Variants in DENND4C observed in about 807,000 individuals in gnomAD.
DENND4C encodes DENN domain containing 4C.
In DENND4C, 108 loss-of-function variants were observed where a neutral mutation model predicts 203.0. That is an observed-to-expected ratio of 0.53 (90% confidence interval 0.46 to 0.62). The LOEUF (loss-of-function observed/expected upper bound fraction) is 0.62. Ranked by LOEUF, DENND4C falls within the 20% of genes least tolerant of loss-of-function variation. The probability of loss-of-function intolerance (pLI) is 0.00; values close to 1 mark genes in which losing one functional copy is unlikely to be tolerated. For synonymous variants in DENND4C, 871 were observed against 792.4 expected (o/e 1.10, Z -1.67); for missense variants, 2,481 against 2,301.2 (o/e 1.08, Z -1.60).
intron 26 of DENND4C, 42 bp downstream of exon 26, chr9:19,352,707 A>C: frequency 6.2e-6 from 9 of 1,443,562 alleles, no homozygotes; most frequent in Non-Finnish European, 8.3e-6. Flanking sequence ...AGTACCCTCA[A>C]AAAACACGAC....
intron 12 of DENND4C, among the ~76,000 whole-genome samples, chr9:19,319,437 C>CATAT (rs920091778): frequency 7.0e-6 from 1 of 142,426 alleles, no homozygotes; most frequent in Admixed American, 7.2e-5. Context: ...TATATACACA[C>CATAT]ATATATATAT....
rs766135118 is a variant in DENND4C at position 19,328,129 on chromosome 9, G to A, written c.2220G>A (p.Lys740=). Residue 740 remains lysine (K), a synonymous_variant, in exon 16 of 33, where the codon AAG becomes AAA. Transcript: ENST00000434457. The stretch of plus-strand genomic sequence containing the variant: ...ACCCTACTGGGAATAGCATTACAAA[G>A]AGTCCACCTCTCATGGCTAAGAGAA... ...SRHPTGNSIT[K]SPPLMAKRTK... The A allele has an allele frequency of 6.2e-7, 1 of 1,613,320 alleles. No individual in the cohort carries two copies. Among genetic ancestry groups the A allele is most frequent in the Admixed American group, 1.7e-5 (1 of 59,912 alleles).
At chr9:19,333,768 A>G (rs1427378914) in intron 17 of DENND4C, among the ~76,000 whole-genome samples, 2 of 152,220 alleles carry the variant, frequency 1.3e-5, no homozygotes, top group Non-Finnish European at 2.9e-5. Flanking sequence ...TGAGGCACTT[A>G]TTTAGCTTTT....
chr9:19,255,221 A>G (rs986721531), intron 1 of DENND4C, among the ~76,000 whole-genome samples: 1 of 152,078 alleles, frequency 6.6e-6, no homozygotes, highest in Admixed American at 6.6e-5. Flanking sequence ...TGGGTAGCAT[A>G]GAGAGACCCT....
chr9:19,342,890 G>A lies in DENND4C; in HGVS notation c.3151+111G>A, dbSNP rs566184656. 3.7e-5 allele frequency: 32 copies of A among 863,700 alleles called. 2 individuals are homozygous for A. The South Asian group carries it at 7.4e-4, about 20-fold the overall frequency. The allele number at this position is 863,700 out of a possible 1,614,324, so 53.5% of individuals were successfully genotyped here. ...TTAATTGTAATGAACATGCTAAAGAGCCAGAAGGGACTTTTGAATTCTCTA... is the reference window on the plus strand; with the variant it reads ...TTAATTGTAATGAACATGCTAAAGAACCAGAAGGGACTTTTGAATTCTCTA... On this transcript the variant is annotated intron_variant, in intron 22 of 32. Transcript: ENST00000434457.
intron 1 of DENND4C, among the ~76,000 whole-genome samples, chr9:19,240,650 AGT>A (rs1350636309): frequency 2.1e-5 from 3 of 142,320 alleles, no homozygotes; most frequent in African/African-American, 7.8e-5. Flanking sequence ...TGGGCAACAG[AGT>A]GAGATTTCAT....
In DENND4C at chr9:19,262,558, A is replaced by G. The variant is rs557326928; in HGVS notation, c.-17-13600A>G. 2.8e-4 allele frequency among the ~76,000 whole-genome samples: 42 copies of G among 151,516 alleles called. 1 individual carries two copies. In the South Asian group the frequency reaches 8.7e-3, roughly 32 times the overall value. On this transcript the variant is annotated intron_variant, in intron 1 of 32. Coordinates refer to ENST00000434457, the MANE Select transcript of DENND4C (RefSeq NM_001330640.2). Reference sequence around the variant, plus strand: ...ATGATTCTCATGCTTCAGCCTCCCAAGTAGCTGGGACTACAGGTGTGCACT... The same window carrying G: ...ATGATTCTCATGCTTCAGCCTCCCAGGTAGCTGGGACTACAGGTGTGCACT...
rs867357084 is a variant in DENND4C at position 19,342,589 on chromosome 9, A to G, written c.3005-44A>G. On this transcript the variant is annotated intron_variant, in intron 21 of 32. Transcript: ENST00000434457. Reference sequence around the variant, plus strand: ...AGTCAATATATGGTTTCTGTTTAATATTGGCAAAAGTAGGAATGATAACAT... The same window carrying G: ...AGTCAATATATGGTTTCTGTTTAATGTTGGCAAAAGTAGGAATGATAACAT... 22 of 1,546,338 alleles carry G rather than the reference A, an allele frequency of 1.4e-5. No homozygotes were observed. In the Middle Eastern group the frequency reaches 3.7e-3, roughly 257 times the overall value.
rs373392384 is a variant in DENND4C, at chr9:19,346,237, A to G, written c.3468A>G (p.Leu1156=). 2 of 1,614,190 alleles carry G rather than the reference A, an allele frequency of 1.2e-6. No individual in the cohort carries two copies. The highest frequency in any genetic ancestry group is 1.3e-5 in the African/African-American group (1 of 75,042). ...THSFENVSCH[L]PDSRTCMSES... is the part of the protein sequence containing the mutation. ...GCTTTGAGAATGTTAGCTGTCACCTACCTGATAGTAGGACTTGTATGTCTG... is the reference window on the plus strand; with the variant it reads ...GCTTTGAGAATGTTAGCTGTCACCTGCCTGATAGTAGGACTTGTATGTCTG... The change falls in exon 23 of 33, where the codon CTA becomes CTG. Residue 1156 remains leucine (L), a synonymous_variant. Coordinates refer to ENST00000434457, the MANE Select transcript of DENND4C (RefSeq NM_001330640.2).
intron 1 of DENND4C, among the ~76,000 whole-genome samples, chr9:19,272,281 G>A (rs574882432): frequency 6.6e-5 from 10 of 151,788 alleles, no homozygotes; most frequent in Non-Finnish European, 1.3e-4. Flanking sequence ...TTAGCCAGGC[G>A]TGGTGGGACA....
chr9:19,292,944 C>T (rs1283003537), intron 5 of DENND4C, among the ~76,000 whole-genome samples: 1 of 152,110 alleles, frequency 6.6e-6, no homozygotes, highest in Non-Finnish European at 1.5e-5. Context: ...ACATCTGTGA[C>T]CTCATTCTAC....
At chr9:19,370,355 A>G (rs1391590031) in intron 31 of DENND4C, among the ~76,000 whole-genome samples, 6 of 152,020 alleles carry the variant, frequency 3.9e-5, no homozygotes, top group Non-Finnish European at 7.4e-5. Context: ...TTGAGAGGGT[A>G]AGACAGGAGG....
chr9:19,360,598 C>T (rs1366206991), intron 29 of DENND4C, 109 bp downstream of exon 29: 1 of 1,417,056 alleles, frequency 7.1e-7, no homozygotes. Flanking sequence ...ATTTATTTCT[C>T]TCTCACTTAA....
chr9:19,347,413 G>A (rs1353655516), intron 23 of DENND4C, among the ~76,000 whole-genome samples: 2 of 152,214 alleles, frequency 1.3e-5, no homozygotes, highest in African/African-American at 4.8e-5. Flanking sequence ...TTACAGGCAT[G>A]AGCCACCATG....
At chr9:19,345,853 A>G in intron 22 of DENND4C, 68 bp from the exon 23 acceptor site, 1 of 1,354,564 alleles carries the variant, frequency 7.4e-7, no homozygotes, top group Non-Finnish European at 1.0e-6. Context: ...TCAGGAAAAC[A>G]ATAAATATTT....
At chr9:19,357,217 G>A (rs1220652596) in intron 27 of DENND4C, 63 bp downstream of exon 27, 2 of 1,558,054 alleles carry the variant, frequency 1.3e-6, no homozygotes, top group Admixed American at 1.7e-5. Context: ...TAAAAATTCT[G>A]TCTCTAAAGA....
intron 1 of DENND4C, among the ~76,000 whole-genome samples, chr9:19,274,523 A>G (rs193059361): frequency 9.9e-5 from 15 of 152,214 alleles, no homozygotes; most frequent in African/African-American, 3.6e-4. Context: ...TCAAACTCCC[A>G]ACCTCAGGTG....
intron 2 of DENND4C, among the ~76,000 whole-genome samples, chr9:19,283,567 G>A (rs1156439177): frequency 6.6e-6 from 1 of 150,916 alleles, no homozygotes; most frequent in African/African-American, 2.4e-5. Flanking sequence ...TTTAAACAGG[G>A]CAGTATGTTA....
intron 5 of DENND4C, chr9:19,291,196 G>C (rs1836224988): frequency 5.1e-6 from 1 of 196,290 alleles, no homozygotes; most frequent in Non-Finnish European, 1.1e-5. Flanking sequence ...AAAAAGCAGG[G>C]TTAGACCCTC....
Sources: allele counts gnomAD v4.1 joint callset (sites outside exome capture counted in the v4.1 genomes callset), GRCh38; gene constraint gnomAD v4.1.1; transcripts MANE v1.5; gene names NCBI Gene and HGNC (gene_info 2026-07-23, HGNC 2026-07-21).